NGF: variants seen among roughly 807,000 people sequenced by gnomAD.
NGF encodes nerve growth factor, also known as beta-nerve growth factor.
NGF carries 4 observed loss-of-function variants against 12.8 expected under a neutral mutation model. The ratio of observed to expected loss-of-function variants is 0.31; its 90% CI spans 0.15 to 0.72. The LOEUF is 0.72. Ranked by LOEUF, NGF falls within the 30% of genes least tolerant of loss-of-function variation. The probability of loss-of-function intolerance (pLI) is 0.69; values close to 1 mark genes in which losing one functional copy is unlikely to be tolerated. For synonymous variants in NGF, 140 were observed against 130.0 expected (o/e 1.08, Z -0.52); for missense variants, 283 against 330.8 (o/e 0.86, Z 1.12).
chr1:115,322,985 A>C lies in NGF; in HGVS notation c.-137+15219T>G, dbSNP rs79786025. Among the ~76,000 whole-genome samples, 1,196 of 152,330 alleles carry C rather than the reference A, an allele frequency of 7.9e-3. 12 individuals are homozygous for C. Among genetic ancestry groups the C allele is most frequent in the African/African-American group, 0.027 (1,129 of 41,570 alleles). The stretch of plus-strand genomic sequence containing the variant: ...GTTGAACAGCTTTTATGTGCCAAAC[A>C]CAGTGCTAAGTGTTACATATGTTCT... On this transcript the variant is annotated intron_variant, in intron 1 of 2. Coordinates refer to ENST00000369512, the MANE Select transcript of NGF (RefSeq NM_002506.3).
intron 1 of NGF, among the ~76,000 whole-genome samples, chr1:115,297,747 C>T (rs1462507500): frequency 6.6e-6 from 1 of 152,200 alleles, no homozygotes; most frequent in Non-Finnish European, 1.5e-5. Context: ...CACTGGCTCC[C>T]CCTTTCTACT....
chr1:115,300,710 A>C (rs756661207), intron 1 of NGF, among the ~76,000 whole-genome samples: 5 of 152,250 alleles, frequency 3.3e-5, no homozygotes, highest in Non-Finnish European at 7.3e-5. Context: ...AACTCAGCCC[A>C]GCTTTGCCCA....
intron 1 of NGF, among the ~76,000 whole-genome samples, chr1:115,310,105 A>C (rs902908852): frequency 5.3e-5 from 8 of 152,260 alleles, no homozygotes; most frequent in Non-Finnish European, 7.3e-5. Context: ...GAAGACAGTA[A>C]GAATCAAGGA....
At chr1:115,303,567 C>T (rs538199019) in intron 1 of NGF, among the ~76,000 whole-genome samples, 28 of 152,210 alleles carry the variant, frequency 1.8e-4, no homozygotes, top group African/African-American at 5.5e-4. Flanking sequence ...TCATCACCAT[C>T]CTCCCCAACA....
chr1:115,293,926 C>T (rs1653784740), intron 1 of NGF, among the ~76,000 whole-genome samples, 176 bp from the exon 2 acceptor site: 2 of 152,208 alleles, frequency 1.3e-5, no homozygotes, highest in South Asian at 4.1e-4. Flanking sequence ...CGGAGCTTGG[C>T]CTCTCATGGT....
chr1:115,307,501 C>A (rs564515178), intron 1 of NGF, among the ~76,000 whole-genome samples: 3 of 152,176 alleles, frequency 2.0e-5, no homozygotes, highest in Non-Finnish European at 4.4e-5. Context: ...AATCACTGCA[C>A]AAATCACAAG....
intron 1 of NGF, among the ~76,000 whole-genome samples, chr1:115,332,396 G>T (rs1238738802): frequency 6.6e-6 from 1 of 152,154 alleles, no homozygotes; most frequent in Non-Finnish European, 1.5e-5. Context: ...AAATATCAGT[G>T]AGTAAATTCC....
chr1:115,323,959 G>A (rs1014445239), intron 1 of NGF, among the ~76,000 whole-genome samples: 1 of 152,220 alleles, frequency 6.6e-6, no homozygotes, highest in Non-Finnish European at 1.5e-5. Context: ...GGGAGACTGT[G>A]TGATCTGCAA....
At chr1:115,320,296 AT>A (rs1472640055) in intron 1 of NGF, among the ~76,000 whole-genome samples, 1 of 152,236 alleles carries the variant, frequency 6.6e-6, no homozygotes, top group Admixed American at 6.5e-5. Context: ...ATAACCTATG[AT>A]AAAATTTAAT....
At chr1:115,332,685 C>T (rs542433783) in intron 1 of NGF, among the ~76,000 whole-genome samples, 13 of 152,252 alleles carry the variant, frequency 8.5e-5, no homozygotes, top group African/African-American at 3.1e-4. Flanking sequence ...GACAGCATAG[C>T]TACTACTAAT....
At chr1:115,306,018 T>C (rs1373667481) in intron 1 of NGF, among the ~76,000 whole-genome samples, 1 of 152,186 alleles carries the variant, frequency 6.6e-6, no homozygotes, top group African/African-American at 2.4e-5. Flanking sequence ...AACCATCTCA[T>C]ACATTTACAG....
intron 1 of NGF, among the ~76,000 whole-genome samples, chr1:115,337,274 T>TTG (rs1655150185): frequency 1.4e-5 from 1 of 69,462 alleles, no homozygotes; most frequent in Non-Finnish European, 3.0e-5. Context: ...TTTGTTTTTT[T>TTG]TTTTTTTTTT....
At chr1:115,288,081 T>G (rs1000433170) in intron 2 of NGF, among the ~76,000 whole-genome samples, 1 of 152,186 alleles carries the variant, frequency 6.6e-6, no homozygotes, top group African/African-American at 2.4e-5. Flanking sequence ...TATGGGTCAT[T>G]CTGCTCCGTT....
Position 115,286,006 on chromosome 1 carries a change from G to A in NGF, c.*64C>T. ...TCCTTATAATTTAAAATAATTTACA[G>A]GTTGAGGTAGGGAGGGGCCCAGGAG... On this transcript the variant is annotated 3_prime_UTR_variant, in exon 3 of 3. Transcript: ENST00000369512. 6.4e-7 allele frequency: 1 copy of A among 1,571,272 alleles called. No homozygotes were observed. Among genetic ancestry groups the A allele is most frequent in the Non-Finnish European group, 8.6e-7 (1 of 1,156,534 alleles).
At chr1:115,303,555 C>A (rs115310289) in intron 1 of NGF, among the ~76,000 whole-genome samples, 304 of 152,156 alleles carry the variant, frequency 2.0e-3, no homozygotes, top group Admixed American at 4.7e-3. Flanking sequence ...CCGTCATCAT[C>A]ATCATCACCA....
Position 115,327,921 on chromosome 1 carries a change from T to A in NGF, c.-137+10283A>T, listed in dbSNP as rs551215242. On this transcript the variant is annotated intron_variant, in intron 1 of 2. Coordinates refer to ENST00000369512, the MANE Select transcript of NGF (RefSeq NM_002506.3). ...GCGACATTAATTTTACAGGCAATAG[T>A]GGAATAAGCGGTGGAGAGAAGAGGA... is the stretch of plus-strand genomic sequence containing the variant. 2.0e-5 allele frequency among the ~76,000 whole-genome samples: 3 copies of A among 152,274 alleles called. No homozygotes were observed. In the South Asian group the frequency reaches 6.2e-4, roughly 32 times the overall value.
intron 1 of NGF, among the ~76,000 whole-genome samples, chr1:115,329,253 T>C (rs1418472699): frequency 6.6e-6 from 1 of 152,214 alleles, no homozygotes; most frequent in Non-Finnish European, 1.5e-5. Context: ...ATGTACTTCA[T>C]ACATCTATGT....
At chr1:115,292,315 A>G (rs1003035812) in intron 2 of NGF, among the ~76,000 whole-genome samples, 1 of 152,182 alleles carries the variant, frequency 6.6e-6, no homozygotes, top group Admixed American at 6.5e-5. Flanking sequence ...AAGGTACATC[A>G]GAGATTCAAG....
At chr1:115,319,607 A>C (rs1327682994) in intron 1 of NGF, among the ~76,000 whole-genome samples, 1 of 152,206 alleles carries the variant, frequency 6.6e-6, no homozygotes, top group East Asian at 1.9e-4. Context: ...CAAGGGTGGT[A>C]GCATCAGTTG....
Sources: allele counts gnomAD v4.1 joint callset (sites outside exome capture counted in the v4.1 genomes callset), GRCh38; gene constraint gnomAD v4.1.1; transcripts MANE v1.5; gene names NCBI Gene and HGNC (gene_info 2026-07-23, HGNC 2026-07-21).